The following UBN2 variants were observed in gnomAD, a reference collection of about 807,000 sequenced individuals.
UBN2 encodes the protein ubinuclein 2.
A neutral mutation model predicts 120.2 loss-of-function variants in UBN2; 35 were observed. The ratio of observed to expected loss-of-function variants is 0.29; its 90% CI spans 0.22 to 0.39. The LOEUF (loss-of-function observed/expected upper bound fraction) is 0.39. Ranked by LOEUF, UBN2 falls within the 10% of genes least tolerant of loss-of-function variation. UBN2 has a pLI of 1.00. For missense variants in UBN2, 1,693 were observed against 1,663.2 expected (o/e 1.02, Z -0.31); for synonymous variants, 661 against 648.7 (o/e 1.02, Z -0.29).
chr7:139,282,964 T>A, intron 14 of UBN2, 60 bp from the exon 15 acceptor site: 5 of 1,309,350 alleles, frequency 3.8e-6, no homozygotes, highest in Non-Finnish European at 5.1e-6. Flanking sequence ...TTATTTAAAA[T>A]TAACTTTGTA....
rs941132647 is a variant in UBN2, at chr7:139,304,638, G to C, written c.*6802G>C. 2 of 151,480 alleles carry C rather than the reference G, an allele frequency of 1.3e-5. No individual in the cohort carries two copies. The highest frequency in any genetic ancestry group is 2.9e-5 in the Non-Finnish European group (2 of 68,038). 9.4% of individuals were successfully genotyped at this position (151,480 alleles called of 1,614,324 possible). On this transcript the variant is annotated 3_prime_UTR_variant, in exon 18 of 18. Coordinates refer to ENST00000473989, the MANE Select transcript of UBN2 (RefSeq NM_173569.4). ...CAAGTGAGTTAGTAGAAAGCACCAG[G>C]TCCAAGCAGACAAAGCATCTGGTTA...
chr7:139,234,798 AACTAT>A (rs954651743), intron 1 of UBN2, among the ~76,000 whole-genome samples: 1 of 152,234 alleles, frequency 6.6e-6, no homozygotes, highest in African/African-American at 2.4e-5. Flanking sequence ...GTGTTAATGT[AACTAT>A]ACTATTTGAG....
In UBN2 at chr7:139,272,436, G is replaced by A; in HGVS notation, c.1711G>A (p.Ala571Thr). ...CCAGGCTCGTAGTCAAGCTAAGTGT[G>A]CCAAGTATGTATCTCTTCTATTTGG... ...DCQARSQAKC[A>T]KLQTDEEREK... Residue 571 changes from alanine (A) to threonine (T), a missense_variant, in exon 9 of 18, where the codon GCC becomes ACC. Transcript: ENST00000473989. The A allele has an allele frequency of 1.9e-6, 3 of 1,610,720 alleles. No individual in the cohort carries two copies. Among genetic ancestry groups the A allele is most frequent in the Non-Finnish European group, 2.5e-6 (3 of 1,178,492 alleles).
At chr7:139,256,759 T>C (rs1796777165) in intron 3 of UBN2, among the ~76,000 whole-genome samples, 1 of 152,316 alleles carries the variant, frequency 6.6e-6, no homozygotes, top group East Asian at 1.9e-4. Context: ...TTTATAATAG[T>C]GTAGATGTTT....
At chr7:139,321,760 C>G in the UBN2 span, among the ~76,000 whole-genome samples, 1 of 152,238 alleles carries the variant, frequency 6.6e-6, no homozygotes, top group Non-Finnish European at 1.5e-5. Context: ...CTCCCAGACT[C>G]AACTCATGGA....
At chr7:139,257,077 A>G (rs6467832) in intron 3 of UBN2, among the ~76,000 whole-genome samples, 38,856 of 152,160 alleles carry the variant, frequency 0.26, 8,722 homozygotes, top group African/African-American at 0.6. Context: ...GTAGAGGTCT[A>G]GAGATCCCAG....
intron 2 of UBN2, among the ~76,000 whole-genome samples, chr7:139,247,965 C>G (rs1047367424): frequency 1.3e-5 from 2 of 152,130 alleles, no homozygotes; most frequent in Admixed American, 6.5e-5. Flanking sequence ...TTTGTTTAAT[C>G]TTTCTCTTCC....
chr7:139,259,923 A>G (rs1412691346), intron 5 of UBN2, among the ~76,000 whole-genome samples: 5 of 151,758 alleles, frequency 3.3e-5, no homozygotes, highest in Non-Finnish European at 7.4e-5. Context: ...TAATTTTTGT[A>G]TTTTTAGTAG....
chr7:139,234,302 C>A (rs1207324151), intron 1 of UBN2, among the ~76,000 whole-genome samples: 3 of 151,708 alleles, frequency 2.0e-5, no homozygotes, highest in South Asian at 2.1e-4. Flanking sequence ...TAAAAAAAAA[C>A]AAACAACAAA....
intron 8 of UBN2, among the ~76,000 whole-genome samples, chr7:139,271,576 T>C (rs1365070800): frequency 6.7e-6 from 1 of 150,032 alleles, no homozygotes; most frequent in Non-Finnish European, 1.5e-5. Flanking sequence ...ACAGCGAGAC[T>C]CTGTCTCCAA....
At chr7:139,315,289 T>A in the UBN2 span, 12 of 152,330 alleles carry the variant, frequency 7.9e-5, no homozygotes, top group Admixed American at 2.6e-4. Context: ...TAATATTTTT[T>A]AAAAAATATA....
intron 17 of UBN2, among the ~76,000 whole-genome samples, chr7:139,296,826 G>T (rs1798121127): frequency 6.6e-6 from 1 of 152,112 alleles, no homozygotes; most frequent in Admixed American, 6.6e-5. Flanking sequence ...GGAATTTGAG[G>T]CTATAGTGTG....
intron 7 of UBN2, among the ~76,000 whole-genome samples, chr7:139,269,122 T>C (rs1797185889): frequency 6.6e-6 from 1 of 152,086 alleles, no homozygotes; most frequent in South Asian, 2.1e-4. Context: ...GGTAGGAGAA[T>C]CACTTGAACC....
intron 8 of UBN2, among the ~76,000 whole-genome samples, chr7:139,270,942 C>T (rs1797254057): frequency 6.6e-6 from 1 of 151,994 alleles, no homozygotes; most frequent in Non-Finnish European, 1.5e-5. Context: ...CGGGATTTCT[C>T]CATGTTTAGT....
the UBN2 span, among the ~76,000 whole-genome samples, chr7:139,313,308 T>C: frequency 2.0e-5 from 3 of 152,206 alleles, no homozygotes; most frequent in African/African-American, 7.2e-5. Flanking sequence ...AAAACTTCTC[T>C]ATGAAGGTCT....
intron 2 of UBN2, among the ~76,000 whole-genome samples, chr7:139,243,582 G>A (rs1796380035): frequency 6.6e-6 from 1 of 152,180 alleles, no homozygotes; most frequent in African/African-American, 2.4e-5. Flanking sequence ...TTTGGTTCCA[G>A]CTTATACAAT....
intron 11 of UBN2, among the ~76,000 whole-genome samples, chr7:139,275,150 C>T (rs536489610): frequency 1.3e-5 from 2 of 151,280 alleles, no homozygotes; most frequent in East Asian, 3.9e-4. Flanking sequence ...TGGTGGTGGG[C>T]ACCTGTAATC....
At chr7:139,266,830 T>C (rs1797112661) in intron 7 of UBN2, among the ~76,000 whole-genome samples, 1 of 152,202 alleles carries the variant, frequency 6.6e-6, no homozygotes, top group Non-Finnish European at 1.5e-5. Context: ...TTGTACAAAC[T>C]TTTATAGTCA....
chr7:139,295,143 A>G (rs949892775), intron 17 of UBN2, among the ~76,000 whole-genome samples: 1 of 149,258 alleles, frequency 6.7e-6, no homozygotes, highest in Non-Finnish European at 1.5e-5. Context: ...CCAGTTTACC[A>G]TTAACCACAG....
Sources: allele counts gnomAD v4.1 joint callset (sites outside exome capture counted in the v4.1 genomes callset), GRCh38; gene constraint gnomAD v4.1.1; transcripts MANE v1.5; gene names NCBI Gene and HGNC (gene_info 2026-07-23, HGNC 2026-07-21).